ZNF99: variants seen among roughly 807,000 people sequenced by gnomAD.
ZNF99 encodes the protein zinc finger protein ENSP00000375192.
ZNF99 carries 8 observed loss-of-function variants against 12.8 expected under a neutral mutation model. The observed-to-expected ratio is 0.62, with a 90% CI of 0.37 to 1.13. The LOEUF is 1.13. Ranked by LOEUF, ZNF99 falls within the 50% of genes most tolerant of loss-of-function variation. The pLI is 0.02. For missense variants in ZNF99, 1,007 were observed against 1,006.2 expected (o/e 1.00, Z -0.01); for synonymous variants, 318 against 319.0 (o/e 1.00, Z 0.03).
At chr19:22,782,223 G>A (rs189234089) in intron 1 of ZNF99, among the ~76,000 whole-genome samples, 154 of 152,206 alleles carry the variant, frequency 1.0e-3, no homozygotes, top group Non-Finnish European at 1.8e-3. Flanking sequence ...TTTGGGAGTA[G>A]ACATAATACT....
intron 1 of ZNF99, 85 bp from the exon 2 acceptor site, chr19:22,769,409 G>A (rs1973240929): frequency 6.9e-7 from 1 of 1,441,624 alleles, no homozygotes; most frequent in Non-Finnish European, 9.4e-7. Context: ...AAATGAGAGA[G>A]TAAAGAGAAC....
intron 3 of ZNF99, among the ~76,000 whole-genome samples, chr19:22,766,747 G>C (rs1245260774): frequency 6.6e-6 from 1 of 151,634 alleles, no homozygotes; most frequent in African/African-American, 2.4e-5. Flanking sequence ...CGCCTCCCGG[G>C]TTCAAGCAAT....
At chr19:22,781,138 T>C (rs1973382579) in intron 1 of ZNF99, among the ~76,000 whole-genome samples, 2 of 152,316 alleles carry the variant, frequency 1.3e-5, no homozygotes, top group South Asian at 4.1e-4. Context: ...CTTGGTTAAG[T>C]ATTTTCTTAC....
Position 22,769,211 on chromosome 19 carries a change from G to A in ZNF99, c.117C>T (p.Asn39=). ...AATCATCCTCACCCAGGAAGACCAGGTTTCTGTAGTTCTCTAACATAACAT... is the reference window on the plus strand; with the variant it reads ...AATCATCCTCACCCAGGAAGACCAGATTTCTGTAGTTCTCTAACATAACAT... ...YRNVMLENYR[N]LVFLGIAVSK... Residue 39 remains asparagine, a synonymous_variant, in exon 2 of 4, where the codon AAC becomes AAT. Coordinates refer to ENST00000596209, the MANE Select transcript of ZNF99 (RefSeq NM_001080409.3). 3 of 1,606,986 alleles carry A rather than the reference G, an allele frequency of 1.9e-6. No homozygotes were observed. The highest frequency in any genetic ancestry group is 2.6e-6 in the Non-Finnish European group (3 of 1,176,084).
intron 1 of ZNF99, among the ~76,000 whole-genome samples, chr19:22,778,802 C>T (rs1044275482): frequency 2.0e-5 from 3 of 151,924 alleles, no homozygotes; most frequent in Non-Finnish European, 2.9e-5. Context: ...GTTGTGAGTT[C>T]AAGACTGGCC....
At chr19:22,763,517 A>T (rs2145147292) in intron 3 of ZNF99, among the ~76,000 whole-genome samples, 2 of 152,316 alleles carry the variant, frequency 1.3e-5, no homozygotes, top group Admixed American at 1.3e-4. Context: ...ACGTTCATGG[A>T]TAGGTAGAAT....
intron 1 of ZNF99, among the ~76,000 whole-genome samples, chr19:22,777,234 T>C (rs1242948321): frequency 2.6e-5 from 4 of 152,148 alleles, no homozygotes; most frequent in Admixed American, 6.6e-5. Flanking sequence ...GTGAACAAGA[T>C]TATGTCATTT....
intron 1 of ZNF99, among the ~76,000 whole-genome samples, chr19:22,781,351 G>A (rs1973384805): frequency 6.7e-6 from 1 of 149,076 alleles, no homozygotes; most frequent in South Asian, 2.1e-4. Context: ...ATGCCCCAGT[G>A]AGTGCCCCAG....
chr19:22,761,575 A>T (rs369940452), intron 3 of ZNF99, among the ~76,000 whole-genome samples: 1 of 152,220 alleles, frequency 6.6e-6, no homozygotes, highest in East Asian at 1.9e-4. Context: ...AGCACTAGAC[A>T]GGTCATCAAG....
Position 22,755,167 on chromosome 19 carries a change from G to T in ZNF99, c.*2147C>A. On this transcript the variant is annotated 3_prime_UTR_variant, in exon 4 of 4. Coordinates refer to ENST00000596209, the MANE Select transcript of ZNF99 (RefSeq NM_001080409.3). ...TGAATTATGTTGTTTAGCAAGAGTT[G>T]AGGACTGGCTAAAAGCATTGCCACT... 7.7e-6 allele frequency: 2 copies of T among 260,580 alleles called. No individual in the cohort carries two copies. The highest frequency in any genetic ancestry group is 7.8e-6 in the Non-Finnish European group (1 of 128,824). 16.1% of individuals were successfully genotyped at this position (260,580 alleles called of 1,614,324 possible).
rs762398344 is a variant in ZNF99 at position 22,757,536 on chromosome 19, A to T, written c.2373T>A (p.Cys791Ter). The change falls in exon 4 of 4, where the codon TGT becomes TGA. Residue 791 changes from cysteine (C) to a stop codon, truncating the protein, a stop_gained. Transcript: ENST00000596209. LOFTEE classifies it low-confidence loss of function (END_TRUNC). ...IIHTGKKPYK[C>*]EECGKAFNNS... ...TGTTAAAAGCTTTGCCACATTCTTC[A>T]CATTTATAGGGTTTCTTTCCAGTAT... 110 of 1,610,680 alleles carry T rather than the reference A, an allele frequency of 6.8e-5. No homozygotes were observed. The highest frequency in any genetic ancestry group is 9.2e-5 in the Non-Finnish European group (109 of 1,179,552).
intron 1 of ZNF99, among the ~76,000 whole-genome samples, chr19:22,783,199 G>C (rs1037816020): frequency 1.3e-5 from 2 of 152,042 alleles, no homozygotes; most frequent in Admixed American, 6.5e-5. Context: ...AGAATCGCTT[G>C]AACCTGGGAG....
intron 1 of ZNF99, among the ~76,000 whole-genome samples, chr19:22,776,070 A>G (rs551519359): frequency 2.6e-5 from 4 of 151,440 alleles, no homozygotes; most frequent in African/African-American, 2.4e-5. Context: ...AAAGGCTAAG[A>G]GTAAGATTAA....
chr19:22,780,180 A>C (rs73564689), intron 1 of ZNF99, among the ~76,000 whole-genome samples: 26 of 152,286 alleles, frequency 1.7e-4, no homozygotes, highest in African/African-American at 5.5e-4. Flanking sequence ...TATTAGCCTT[A>C]GCTTAGAGTC....
At chr19:22,772,896 A>G (rs1973288349) in intron 1 of ZNF99, among the ~76,000 whole-genome samples, 1 of 152,170 alleles carries the variant, frequency 6.6e-6, no homozygotes, top group Admixed American at 6.5e-5. Flanking sequence ...TTTTAACAAG[A>G]GGAAGAAAAA....
rs185626634 is a variant in ZNF99, at chr19:22,754,930, G to T, written c.*2384C>A. ...ACTAAAAATACAAAATTAGGTGGGC[G>T]TGGTGGCACATGCCTATAGTCCCTG... is the stretch of plus-strand genomic sequence containing the variant. On this transcript the variant is annotated 3_prime_UTR_variant, in exon 4 of 4. Coordinates refer to ENST00000596209, the MANE Select transcript of ZNF99 (RefSeq NM_001080409.3). 1.2e-5 allele frequency: 2 copies of T among 173,442 alleles called. No homozygotes were observed. The highest frequency in any genetic ancestry group is 2.4e-5 in the Non-Finnish European group (2 of 81,898). 10.7% of individuals were successfully genotyped at this position (173,442 alleles called of 1,614,324 possible).
intron 1 of ZNF99, among the ~76,000 whole-genome samples, chr19:22,783,383 A>G (rs993222164): frequency 2.0e-5 from 3 of 152,152 alleles, no homozygotes; most frequent in African/African-American, 7.2e-5. Context: ...ATAAACTACA[A>G]TTAACCTCTG....
At chr19:22,765,134 A>G (rs148704664) in intron 3 of ZNF99, among the ~76,000 whole-genome samples, 1 of 152,278 alleles carries the variant, frequency 6.6e-6, no homozygotes, top group East Asian at 1.9e-4. Flanking sequence ...ATATATATAT[A>G]ATGGAACACT....
chr19:22,765,332 G>A (rs957214991), intron 3 of ZNF99, among the ~76,000 whole-genome samples: 10 of 152,094 alleles, frequency 6.6e-5, no homozygotes, highest in African/African-American at 2.4e-4. Context: ...GGGACTTGGG[G>A]GGAAGAGTGG....
Sources: gnomAD v4.1 joint callset for allele counts (sites outside exome capture counted in the v4.1 genomes callset) on GRCh38, gnomAD v4.1.1 for gene constraint, MANE v1.5 for transcripts, NCBI Gene and HGNC (gene_info 2026-07-23, HGNC 2026-07-21) for gene names.